The following ZNF385D variants were observed in gnomAD, a reference collection of about 807,000 sequenced individuals.
The protein encoded by ZNF385D is zinc finger protein 659.
Under a neutral mutation model 35.8 loss-of-function variants are expected in ZNF385D, and 15 were observed. The observed-to-expected ratio is 0.42, with a 90% confidence interval of 0.28 to 0.64. The LOEUF (loss-of-function observed/expected upper bound fraction) is 0.64. Among genes scored for constraint, ZNF385D ranks in the 30% least tolerant of loss-of-function variants. The pLI is 0.23. For synonymous variants in ZNF385D, 212 were observed against 186.8 expected (o/e 1.13, Z -1.10); for missense variants, 474 against 494.6 (o/e 0.96, Z 0.39).
At chr3:22,026,011 G>A (rs1697523604) in intron 3 of ZNF385D, among the ~76,000 whole-genome samples, 1 of 152,182 alleles carries the variant, frequency 6.6e-6, no homozygotes, top group Non-Finnish European at 1.5e-5. Context: ...ATAATGGACA[G>A]CAGAGGCAAA....
At chr3:21,572,352 CAA>C (rs2063360299) in intron 2 of ZNF385D, among the ~76,000 whole-genome samples, 1 of 152,056 alleles carries the variant, frequency 6.6e-6, no homozygotes, top group Non-Finnish European at 1.5e-5. Flanking sequence ...TTTCATTTAA[CAA>C]TATATCCCAA....
At position 21,947,729 on chromosome 3, in the gene ZNF385D, T is replaced by G. The variant is rs1185146988; in HGVS notation, c.325+221088A>C. Among the ~76,000 whole-genome samples, 3 of 152,178 alleles carry G rather than the reference T, an allele frequency of 2.0e-5. No homozygotes were observed. The East Asian group carries it at 5.8e-4, about 29-fold the overall frequency. On this transcript the variant is annotated intron_variant, in intron 3 of 5. Transcript: ENST00000494108. ...CTATATGTATTAATCCATCTATCTT[T>G]TTTCTATCATCTGTATTTTTGTTGA... is the stretch of plus-strand genomic sequence containing the variant.
At chr3:21,663,509 C>T (rs1245554262) in intron 2 of ZNF385D, among the ~76,000 whole-genome samples, 1 of 151,960 alleles carries the variant, frequency 6.6e-6, no homozygotes, top group Non-Finnish European at 1.5e-5. Flanking sequence ...CAGGAAACCA[C>T]TTAACAGAAG....
At chr3:21,876,333 C>T (rs1325248591) in intron 3 of ZNF385D, among the ~76,000 whole-genome samples, 2 of 151,274 alleles carry the variant, frequency 1.3e-5, no homozygotes, top group Non-Finnish European at 2.9e-5. Context: ...TTCATTCAGC[C>T]TGGTCAAAAC....
chr3:22,329,235 G>A (rs188219482), intron 2 of ZNF385D, among the ~76,000 whole-genome samples: 161 of 151,192 alleles, frequency 1.1e-3, no homozygotes, highest in African/African-American at 3.8e-3. Context: ...ATGGTGAGGT[G>A]TTGTTTATTT....
chr3:21,916,639 G>A (rs1700205261), intron 3 of ZNF385D, among the ~76,000 whole-genome samples: 4 of 152,078 alleles, frequency 2.6e-5, no homozygotes, highest in Admixed American at 6.5e-5. Context: ...TTTTAACACT[G>A]TACTGTCAGT....
chr3:21,740,302 G>C (rs1476297854), intron 1 of ZNF385D, among the ~76,000 whole-genome samples: 3 of 152,150 alleles, frequency 2.0e-5, no homozygotes, highest in African/African-American at 4.8e-5. Context: ...TGTGACCAGT[G>C]GGTGGACCAG....
chr3:21,949,250 T>C (rs1164410874), intron 3 of ZNF385D, among the ~76,000 whole-genome samples: 1 of 152,234 alleles, frequency 6.6e-6, no homozygotes, highest in East Asian at 1.9e-4. Flanking sequence ...TTCAATAGTG[T>C]TTAATAATTC....
At chr3:21,911,055 G>C (rs558128437) in intron 3 of ZNF385D, among the ~76,000 whole-genome samples, 1 of 151,902 alleles carries the variant, frequency 6.6e-6, no homozygotes, top group South Asian at 2.1e-4. Flanking sequence ...GTGCTTATTA[G>C]GGGGAAAGAG....
At position 21,421,270 on chromosome 3, in the gene ZNF385D, G is replaced by T. The variant is rs560977240; in HGVS notation, c.1132C>A (p.Pro378Thr). The T allele has an allele frequency of 6.2e-7, 1 of 1,614,140 alleles. No homozygotes were observed. The highest frequency in any genetic ancestry group is 8.5e-7 in the Non-Finnish European group (1 of 1,180,034). ...GCGGTCCGAATGGGTCCAGGAGCTG[G>T]CCGCAGGAGTGCCGGAGGAAGCGCG... ...TSALPPALLR[P>T]APGPIRTAHT... The change falls in exon 8 of 8, where the codon CCA becomes ACA. Residue 378 changes from proline to threonine, a missense_variant. Coordinates refer to ENST00000281523, the MANE Select transcript of ZNF385D (RefSeq NM_024697.3).
At chr3:21,983,158 TATTTTATTA>T (rs760339858) in intron 3 of ZNF385D, among the ~76,000 whole-genome samples, 2 of 75,354 alleles carry the variant, frequency 2.7e-5, no homozygotes, top group Non-Finnish European at 5.1e-5. Context: ...TATTTTATTT[TATTTTATTA>T]TTTTTTTTTA....
intron 5 of ZNF385D, among the ~76,000 whole-genome samples, chr3:21,433,057 A>G (rs1701375803): frequency 1.3e-5 from 2 of 152,272 alleles, no homozygotes; most frequent in South Asian, 4.1e-4. Context: ...AGAGATAGAA[A>G]GACAGATATA....
intron 3 of ZNF385D, among the ~76,000 whole-genome samples, chr3:22,057,720 G>T (rs1210370359): frequency 1.3e-5 from 2 of 151,958 alleles, no homozygotes; most frequent in Admixed American, 1.3e-4. Flanking sequence ...CACCATGTTG[G>T]TCAGGCTGGT....
chr3:22,058,262 T>A (rs2125536160), intron 3 of ZNF385D, among the ~76,000 whole-genome samples: 1 of 152,334 alleles, frequency 6.6e-6, no homozygotes, highest in African/African-American at 2.4e-5. Flanking sequence ...TAGAGTCAAC[T>A]CAATGTTGCT....
intron 3 of ZNF385D, among the ~76,000 whole-genome samples, chr3:22,060,828 AAAAG>A (rs1483294151): frequency 1.3e-5 from 2 of 152,120 alleles, no homozygotes; most frequent in Admixed American, 1.3e-4. Flanking sequence ...TTTAATTTAA[AAAAG>A]AAAGTTTTGC....
intron 3 of ZNF385D, among the ~76,000 whole-genome samples, chr3:21,947,072 T>G (rs748483291): frequency 6.6e-6 from 1 of 152,144 alleles, no homozygotes; most frequent in Non-Finnish European, 1.5e-5. Context: ...AACCTAAATT[T>G]TTCCAAATGG....
rs191963247 is a variant in ZNF385D at position 21,704,090 on chromosome 3, A to G, written c.23-39062T>C. On this transcript the variant is annotated intron_variant, in intron 1 of 7. Coordinates refer to ENST00000281523, the MANE Select transcript of ZNF385D (RefSeq NM_024697.3). The stretch of plus-strand genomic sequence containing the variant: ...CTTTTCAAGTTAAAAGCAATGCTCA[A>G]TCATAAAAGACAAAACACATATTTG... 1.4e-4 allele frequency among the ~76,000 whole-genome samples: 22 copies of G among 152,352 alleles called. No individual in the cohort carries two copies. In the East Asian group the frequency reaches 3.9e-3, roughly 27 times the overall value.
chr3:21,473,279 C>T (rs1227054313), intron 4 of ZNF385D, among the ~76,000 whole-genome samples: 1 of 151,998 alleles, frequency 6.6e-6, no homozygotes, highest in East Asian at 1.9e-4. Flanking sequence ...TGGCTCAGCA[C>T]CCATGCCAAA....
At chr3:21,524,842 T>A (rs1264562068) in intron 3 of ZNF385D, among the ~76,000 whole-genome samples, 2 of 152,198 alleles carry the variant, frequency 1.3e-5, no homozygotes, top group African/African-American at 4.8e-5. Context: ...TGACTATATA[T>A]AAAAGAGAGC....
Sources: allele counts gnomAD v4.1 joint callset (sites outside exome capture counted in the v4.1 genomes callset), GRCh38; gene constraint gnomAD v4.1.1; transcripts MANE v1.5; gene names NCBI Gene and HGNC (gene_info 2026-07-23, HGNC 2026-07-21).